The following DCHS2 variants were observed in gnomAD, a reference collection of about 807,000 sequenced individuals.
The protein encoded by DCHS2 is protocadherin-23.
DCHS2 carries 142 observed loss-of-function variants against 182.4 expected under a neutral mutation model. The observed-to-expected ratio is 0.78, with a 90% CI of 0.68 to 0.89. The LOEUF (loss-of-function observed/expected upper bound fraction) is 0.89. Among genes scored for constraint, DCHS2 ranks in the 40% least tolerant of loss-of-function variants. DCHS2 has a pLI of 0.00. For synonymous variants in DCHS2, 1,740 were observed against 1,663.3 expected, an observed-to-expected ratio of 1.05 and a Z score of -1.12; for missense variants, 4,319 against 4,198.6, an observed-to-expected ratio of 1.03 and a Z score of -0.79.
rs750106664 is a variant in DCHS2 at position 154,237,010 on chromosome 4, CAGGGGCATAATTG to C, written c.7629_7641del (p.Asn2543LysfsTer12). 7 of 1,614,004 alleles carry C rather than the reference CAGGGGCATAATTG, an allele frequency of 4.3e-6. No homozygotes were observed. The South Asian group carries it at 7.7e-5, about 18-fold the overall frequency. ...AGATTATAGGATTTGACTGTGAATTCAGGGGCATAATTGTTCATATCTTCTATTCCTATCTCCA... is the reference window on the plus strand; with the variant it reads ...AGATTATAGGATTTGACTGTGAATTCTTCATATCTTCTATTCCTATCTCCA... On this transcript the variant is annotated frameshift_variant, in exon 20 of 20. Transcript: ENST00000357232. LOFTEE classifies it low-confidence loss of function (END_TRUNC).
intron 7 of DCHS2, 58 bp downstream of exon 7, chr4:154,328,035 G>C (rs1316521827): frequency 1.0e-5 from 13 of 1,272,034 alleles, no homozygotes; most frequent in Non-Finnish European, 1.3e-5. Flanking sequence ...GGGGATAGTT[G>C]ATAAATGAAA....
In DCHS2 at chr4:154,329,616, G is replaced by A. The variant is rs748442489; in HGVS notation, c.3825C>T (p.Asn1275=). ...LVTDRGSPPR[N]ATMAVYVSVT... ...CTGAGACGTAAACCGCCATGGTGGCGTTTCGTGGTGGGGAGCCGCGGTCTG... is the reference window on the plus strand; with the variant it reads ...CTGAGACGTAAACCGCCATGGTGGCATTTCGTGGTGGGGAGCCGCGGTCTG... Residue 1275 remains asparagine (N), a synonymous_variant, in exon 6 of 20, where the codon AAC becomes AAT. Coordinates refer to ENST00000357232, the MANE Select transcript of DCHS2 (RefSeq NM_001358235.2). 11 of 1,613,054 alleles carry A rather than the reference G, an allele frequency of 6.8e-6. No individual in the cohort carries two copies. Among genetic ancestry groups the A allele is most frequent in the African/African-American group, 2.7e-5 (2 of 74,996 alleles).
Position 154,491,350 on chromosome 4 carries a change from G to T in DCHS2, c.6C>A (p.Ser2Arg). Residue 2 changes from serine (S) to arginine (R), a missense_variant, in exon 1 of 20, where the codon AGC (serine) becomes AGA (arginine). Ser to Arg is a moderately radical substitution (Grantham distance 110). Coordinates refer to ENST00000357232, the MANE Select transcript of DCHS2 (RefSeq NM_001358235.2). ...CTTCGCCCATCTTCCGCCCACAAGG[G>T]CTCATTTCTCCTCCAGCTCCTTGGG... M[S>R]PCGRKMGEGR... The T allele has an allele frequency of 6.5e-7, 1 of 1,528,118 alleles. No homozygotes were observed. The allele number at this position is 1,528,118 out of a possible 1,614,324, so 94.7% of individuals were successfully genotyped here.
Position 154,490,581 on chromosome 4 carries a change from C to T in DCHS2, c.775G>A (p.Ala259Thr). ...VLLRRLDREE[A>T]AAHRLQIEAW... ...TCGATCTGCAGCCGGTGCGCCGCCG[C>T]CTCCTCTCGGTCCAAGCGCCGCAGC... The change falls in exon 1 of 20, where the codon GCG becomes ACG. Residue 259 changes from alanine (A) to threonine (T), a missense_variant. Transcript: ENST00000357232. 6.5e-7 allele frequency: 1 copy of T among 1,544,832 alleles called. No individual in the cohort carries two copies. The highest frequency in any genetic ancestry group is 1.2e-5 in the South Asian group (1 of 83,978).
intron 15 of DCHS2, among the ~76,000 whole-genome samples, chr4:154,257,384 T>C (rs1391404704): frequency 6.6e-6 from 1 of 152,166 alleles, no homozygotes; most frequent in Non-Finnish European, 1.5e-5. Flanking sequence ...TACAAGAGCC[T>C]GAGTGGCTCT....
At position 154,391,424 on chromosome 4, in the gene DCHS2, G is replaced by A. The variant is rs540215689; in HGVS notation, c.2053-13980C>T. On this transcript the variant is annotated intron_variant, in intron 1 of 19. Coordinates refer to ENST00000357232, the MANE Select transcript of DCHS2 (RefSeq NM_001358235.2). Reference sequence around the variant, plus strand: ...TTTCCACTTGCAGCATAAAGAAAGCGTTCAAAACTAAAAATAGGCAGATCA... The same window carrying A: ...TTTCCACTTGCAGCATAAAGAAAGCATTCAAAACTAAAAATAGGCAGATCA... 118 of 1,335,236 alleles carry A rather than the reference G, an allele frequency of 8.8e-5. No individual in the cohort carries two copies. In the African/African-American group the frequency reaches 1.2e-3, roughly 13 times the overall value. 82.7% of individuals were successfully genotyped at this position (1,335,236 alleles called of 1,614,324 possible).
chr4:154,441,082 G>A (rs1193120977), intron 1 of DCHS2, among the ~76,000 whole-genome samples: 1 of 152,186 alleles, frequency 6.6e-6, no homozygotes, highest in Admixed American at 6.5e-5. Flanking sequence ...CAGAGTCACA[G>A]CACTGACAGT....
At chr4:154,446,097 G>A (rs1734274915) in intron 1 of DCHS2, among the ~76,000 whole-genome samples, 1 of 152,134 alleles carries the variant, frequency 6.6e-6, no homozygotes, top group Admixed American at 6.5e-5. Context: ...TTCCAATAAT[G>A]AGTCTAACTC....
intron 13 of DCHS2, 118 bp downstream of exon 13, chr4:154,297,733 G>A: frequency 1.4e-6 from 2 of 1,447,616 alleles, no homozygotes; most frequent in South Asian, 1.5e-5. Flanking sequence ...TCAAGAACAG[G>A]CATTGAACTA....
At chr4:154,427,123 T>C (rs760461213) in intron 1 of DCHS2, among the ~76,000 whole-genome samples, 7 of 152,234 alleles carry the variant, frequency 4.6e-5, no homozygotes, top group Non-Finnish European at 1.0e-4. Flanking sequence ...GGAAACATCA[T>C]AAGTACCCCA....
chr4:154,249,213 T>C (rs1732228929), intron 16 of DCHS2, among the ~76,000 whole-genome samples: 1 of 152,128 alleles, frequency 6.6e-6, no homozygotes, highest in Non-Finnish European at 1.5e-5. Flanking sequence ...ATATCCAGAA[T>C]CTACAAGGAA....
At chr4:154,376,964 T>C (rs13101522) in intron 2 of DCHS2, among the ~76,000 whole-genome samples, 76,202 of 152,014 alleles carry the variant, frequency 0.5, 20,015 homozygotes, top group East Asian at 0.7. Flanking sequence ...AGACATGTTT[T>C]GATAATCAAG....
At chr4:154,439,046 C>T (rs182151830) in intron 1 of DCHS2, among the ~76,000 whole-genome samples, 9 of 152,262 alleles carry the variant, frequency 5.9e-5, no homozygotes, top group East Asian at 1.9e-4. Flanking sequence ...GAAGTGTTGT[C>T]TTAGAAAAGT....
intron 1 of DCHS2, among the ~76,000 whole-genome samples, chr4:154,420,246 C>CAGACAGATAGATAGATAGATAGAT (rs1553950394): frequency 6.9e-6 from 1 of 144,748 alleles, no homozygotes; most frequent in African/African-American, 2.6e-5. Context: ...GACAGACAGA[C>CAGACAGATAGATAGATAGATAGAT]AGATAGATAG....
At chr4:154,243,417 A>G (rs1052169886) in intron 16 of DCHS2, among the ~76,000 whole-genome samples, 2 of 152,168 alleles carry the variant, frequency 1.3e-5, no homozygotes, top group East Asian at 3.9e-4. Context: ...TTGTCCATCA[A>G]ACAAACTACA....
At position 154,333,136 on chromosome 4, in the gene DCHS2, G is replaced by A. The variant is rs1728563973; in HGVS notation, c.3072C>T (p.Gly1024=). 6.2e-7 allele frequency: 1 copy of A among 1,614,142 alleles called. No homozygotes were observed. Among genetic ancestry groups the A allele is most frequent in the Non-Finnish European group, 8.5e-7 (1 of 1,180,026 alleles). Residue 1024 remains glycine (G), a synonymous_variant, in exon 5 of 20, where the codon GGC becomes GGT. Coordinates refer to ENST00000357232, the MANE Select transcript of DCHS2 (RefSeq NM_001358235.2). The part of the protein sequence containing the change: ...IRYSIASPQP[G]VFAIDRALGV... ...CCAGGGCTCTGTCGATGGCAAAGAC[G>A]CCTGGCTGCGGGCTGGCGATGGAGT...
At chr4:154,345,872 G>T (rs1729337261) in intron 3 of DCHS2, among the ~76,000 whole-genome samples, 1 of 152,218 alleles carries the variant, frequency 6.6e-6, no homozygotes, top group South Asian at 2.1e-4. Context: ...GAAGAGATAA[G>T]ATGTCTTAGT....
chr4:154,353,812 G>A (rs150291786), intron 3 of DCHS2, among the ~76,000 whole-genome samples: 60 of 152,308 alleles, frequency 3.9e-4, no homozygotes, highest in African/African-American at 1.3e-3. Flanking sequence ...AGAATTTCCT[G>A]GGCGATTAGC....
chr4:154,330,301 A>T (rs189783776), intron 5 of DCHS2, among the ~76,000 whole-genome samples: 1 of 152,366 alleles, frequency 6.6e-6, no homozygotes, highest in African/African-American at 2.4e-5. Context: ...TTCTTGTTTT[A>T]TGCACACAAG....
Sources: allele counts gnomAD v4.1 joint callset (sites outside exome capture counted in the v4.1 genomes callset), GRCh38; gene constraint gnomAD v4.1.1; transcripts MANE v1.5; gene names NCBI Gene and HGNC (gene_info 2026-07-23, HGNC 2026-07-21).